PLS1: variants seen among roughly 807,000 people sequenced by gnomAD.
The protein encoded by PLS1 is plastin-1.
PLS1 carries 32 observed loss-of-function variants against 73.7 expected under a neutral mutation model. That is an observed-to-expected ratio of 0.43 (90% CI 0.33 to 0.58). The LOEUF (loss-of-function observed/expected upper bound fraction) is 0.58, where lower values mean the gene tolerates loss of function less well. Among genes scored for constraint, PLS1 ranks in the 20% least tolerant of loss-of-function variants. The pLI is 0.04. For synonymous variants in PLS1, 217 were observed against 261.3 expected (o/e 0.83, Z 1.63); for missense variants, 633 against 740.5 (o/e 0.85, Z 1.68).
intron 1 of PLS1, chr3:142,623,371 C>G (rs2108565232): frequency 6.6e-6 from 1 of 152,282 alleles, no homozygotes; most frequent in East Asian, 1.9e-4. Context: ...GGCCTTTCTA[C>G]TGAGAGTAAG....
Position 142,711,991 on chromosome 3 carries a change from T to C in PLS1, c.1874T>C (p.Leu625Pro). 6.2e-7 allele frequency: 1 copy of C among 1,613,352 alleles called. No individual in the cohort carries two copies. Among genetic ancestry groups the C allele is most frequent in the Non-Finnish European group, 8.5e-7 (1 of 1,179,340 alleles). The change falls in exon 16 of 16, where the codon CTG becomes CCG. Residue 625 changes from leucine to proline, a missense_variant. Transcript: ENST00000457734. ...TVFACLMGKG[L>P]NRIK ...TTTGCATGCTTAATGGGAAAAGGAC[T>C]GAACAGAATAAAATAATCATTTCAT... is the stretch of plus-strand genomic sequence containing the variant.
intron 12 of PLS1, among the ~76,000 whole-genome samples, chr3:142,700,239 T>C: frequency 6.6e-6 from 1 of 152,146 alleles, no homozygotes; most frequent in East Asian, 1.9e-4. Context: ...AATCAATACA[T>C]GTCACTTTCC....
chr3:142,710,444 T>C (rs1045852946), intron 14 of PLS1, among the ~76,000 whole-genome samples: 1 of 152,212 alleles, frequency 6.6e-6, no homozygotes, highest in African/African-American at 2.4e-5. Context: ...GACCTTTTTT[T>C]CCGTTTTTGT....
Position 142,686,322 on chromosome 3 carries a change from C to A in PLS1, c.927C>A (p.Ala309=). The A allele has an allele frequency of 6.2e-7, 1 of 1,611,340 alleles. No individual in the cohort carries two copies. Among genetic ancestry groups the A allele is most frequent in the Non-Finnish European group, 8.5e-7 (1 of 1,177,586 alleles). The part of the protein sequence containing the change: ...RAYFHLLNQI[A]PKGGEDGPAI... ...ATTTTCATCTGCTTAATCAGATTGC[C>A]CCTAAAGGTGGGGAAGATGGACCTG... The change falls in exon 9 of 16, where the codon GCC becomes GCA. Residue 309 remains alanine (A), a synonymous_variant. Transcript: ENST00000457734.
intron 2 of PLS1, among the ~76,000 whole-genome samples, chr3:142,664,533 G>T (rs1577860156): frequency 6.6e-6 from 1 of 152,086 alleles, no homozygotes; most frequent in South Asian, 2.1e-4. Flanking sequence ...TTTCTTTGCA[G>T]AGAGTAATCC....
intron 1 of PLS1, among the ~76,000 whole-genome samples, chr3:142,651,257 C>T (rs182297008): frequency 1.4e-3 from 215 of 151,814 alleles, no homozygotes; most frequent in African/African-American, 4.3e-3. Flanking sequence ...GTTAGGAGTT[C>T]GAGACCAGCC....
intron 6 of PLS1, 21 bp from the exon 7 acceptor site, chr3:142,683,985 C>CTT: frequency 6.0e-6 from 8 of 1,344,434 alleles, no homozygotes; most frequent in South Asian, 1.4e-5. Context: ...CTCATGTGTA[C>CTT]TTTTTTTTTT....
At chr3:142,647,321 T>A (rs139905077) in intron 1 of PLS1, among the ~76,000 whole-genome samples, 1 of 152,276 alleles carries the variant, frequency 6.6e-6, no homozygotes, top group African/African-American at 2.4e-5. Context: ...TGGTGTATCA[T>A]ATTTCTTCTA....
At chr3:142,702,961 T>C (rs181362831) in intron 12 of PLS1, among the ~76,000 whole-genome samples, 120 of 152,298 alleles carry the variant, frequency 7.9e-4, no homozygotes, top group African/African-American at 2.8e-3. Flanking sequence ...AGGCTAAGTA[T>C]AGTAGAAGAT....
At chr3:142,649,905 A>G (rs956516628) in intron 1 of PLS1, among the ~76,000 whole-genome samples, 5 of 152,264 alleles carry the variant, frequency 3.3e-5, no homozygotes, top group Admixed American at 3.3e-4. Flanking sequence ...GGAAAGTATA[A>G]TTATAGTTAA....
intron 14 of PLS1, among the ~76,000 whole-genome samples, chr3:142,705,760 C>T (rs1374228877): frequency 6.6e-6 from 1 of 152,206 alleles, no homozygotes; most frequent in Non-Finnish European, 1.5e-5. Context: ...TCAGTTCAAT[C>T]TTCTCATGTT....
At chr3:142,635,243 T>C (rs956458765) in intron 1 of PLS1, among the ~76,000 whole-genome samples, 1 of 152,012 alleles carries the variant, frequency 6.6e-6, no homozygotes, top group Non-Finnish European at 1.5e-5. Context: ...TAAATCATAT[T>C]TGGGTAATCC....
Position 142,626,230 on chromosome 3 carries a change from C to T in PLS1, c.-37+29721C>T, listed in dbSNP as rs575766210. On this transcript the variant is annotated intron_variant, in intron 1 of 15. Coordinates refer to ENST00000457734, the MANE Select transcript of PLS1 (RefSeq NM_001145319.2). ...GTTTTAGCAACAAGAAGAGTGAGGA[C>T]GATGGAAAATCAGGAAGCGAGCATC... Among the ~76,000 whole-genome samples, 17 of 152,136 alleles carry T rather than the reference C, an allele frequency of 1.1e-4. No individual in the cohort carries two copies. The South Asian group carries it at 3.1e-3, about 28-fold the overall frequency.
intron 10 of PLS1, among the ~76,000 whole-genome samples, chr3:142,692,420 C>T (rs144572937): frequency 4.9e-4 from 74 of 152,194 alleles, no homozygotes; most frequent in African/African-American, 1.7e-3. Flanking sequence ...ATAATCCAGA[C>T]AACATTTTCC....
chr3:142,599,031 A>G (rs538935854), intron 1 of PLS1, among the ~76,000 whole-genome samples: 115 of 151,586 alleles, frequency 7.6e-4, no homozygotes, highest in Non-Finnish European at 1.3e-3. Context: ...GAATTGTGAC[A>G]TTGTCTCTGT....
intron 1 of PLS1, among the ~76,000 whole-genome samples, chr3:142,624,260 T>C (rs1277101879): frequency 1.3e-5 from 2 of 152,222 alleles, no homozygotes; most frequent in Admixed American, 6.5e-5. Context: ...TTAAAAGCTT[T>C]TCACTGTTTC....
chr3:142,683,723 G>A (rs2037903347), intron 6 of PLS1, among the ~76,000 whole-genome samples: 1 of 152,104 alleles, frequency 6.6e-6, no homozygotes, highest in Non-Finnish European at 1.5e-5. Context: ...TTGAGGTATT[G>A]GCAGAACATC....
At chr3:142,691,246 GTAAAA>G (rs1348740411) in intron 10 of PLS1, among the ~76,000 whole-genome samples, 2 of 151,514 alleles carry the variant, frequency 1.3e-5, no homozygotes, top group African/African-American at 2.4e-5. Context: ...TGAAGGTCCC[GTAAAA>G]TAAAATAAAG....
chr3:142,670,166 A>G (rs1432283459), intron 3 of PLS1, among the ~76,000 whole-genome samples: 1 of 152,184 alleles, frequency 6.6e-6, no homozygotes, highest in African/African-American at 2.4e-5. Flanking sequence ...CAGTGTGAAG[A>G]CTGTGATGTG....
Sources: allele counts gnomAD v4.1 joint callset (sites outside exome capture counted in the v4.1 genomes callset), GRCh38; gene constraint gnomAD v4.1.1; transcripts MANE v1.5; gene names NCBI Gene and HGNC (gene_info 2026-07-23, HGNC 2026-07-21).